The following HS6ST3 variants were observed in gnomAD, a reference collection of about 807,000 sequenced individuals.
HS6ST3 encodes heparan sulfate 6-O-sulfotransferase 3, also known as heparan-sulfate 6-O-sulfotransferase 3.
A neutral mutation model predicts 36.7 loss-of-function variants in HS6ST3; 12 were observed. The ratio of observed to expected loss-of-function variants is 0.33; its 90% confidence interval spans 0.21 to 0.53. HS6ST3 has a LOEUF of 0.53. HS6ST3 is among the 20% of genes least tolerant of loss of function. The probability of loss-of-function intolerance (pLI) is 0.95; values close to 1 mark genes in which losing one functional copy is unlikely to be tolerated. For missense variants in HS6ST3, 584 were observed against 640.9 expected (o/e 0.91, Z 0.96); for synonymous variants, 240 against 257.5 (o/e 0.93, Z 0.65).
At position 96,410,635 on chromosome 13, in the gene HS6ST3, T is replaced by C. The variant is rs556436505; in HGVS notation, c.707+319066T>C. On this transcript the variant is annotated intron_variant, in intron 1 of 1. Transcript: ENST00000376705. ...AATATGGTTTGTTAACCATAATTATTGTTAGCCAAATTATTCCAGTTGCAT... is the reference window on the plus strand; with the variant it reads ...AATATGGTTTGTTAACCATAATTATCGTTAGCCAAATTATTCCAGTTGCAT... Among the ~76,000 whole-genome samples the C allele has an allele frequency of 2.0e-5, 3 of 152,326 alleles. No individual in the cohort carries two copies. The East Asian group carries it at 5.8e-4, about 29-fold the overall frequency.
At position 96,794,084 on chromosome 13, in the gene HS6ST3, A is replaced by G. The variant is rs150988977; in HGVS notation, c.708-38406A>G. ...ATCATGGAGCAAGATTTTGGCATGT[A>G]TATACCTGACTACTTTTGTTTCTAC... is the stretch of plus-strand genomic sequence containing the variant. On this transcript the variant is annotated intron_variant, in intron 1 of 1. Coordinates refer to ENST00000376705, the MANE Select transcript of HS6ST3 (RefSeq NM_153456.4). 6.4e-4 allele frequency among the ~76,000 whole-genome samples: 98 copies of G among 152,198 alleles called. 1 individual carries two copies. The East Asian group carries it at 0.017, about 27-fold the overall frequency.
intron 1 of HS6ST3, among the ~76,000 whole-genome samples, chr13:96,539,606 C>T (rs763187286): frequency 3.9e-5 from 6 of 152,146 alleles, no homozygotes; most frequent in Non-Finnish European, 8.8e-5. Flanking sequence ...CCACCCGCCT[C>T]AGCCTCCCAA....
intron 1 of HS6ST3, among the ~76,000 whole-genome samples, chr13:96,565,667 A>G (rs1044863023): frequency 1.3e-5 from 2 of 152,174 alleles, no homozygotes; most frequent in Non-Finnish European, 2.9e-5. Flanking sequence ...AGGAGCTCAG[A>G]GAAACAAATT....
At chr13:96,522,056 G>T (rs547699581) in intron 1 of HS6ST3, among the ~76,000 whole-genome samples, 1 of 152,138 alleles carries the variant, frequency 6.6e-6, no homozygotes, top group African/African-American at 2.4e-5. Context: ...TTGTGTCTTT[G>T]TTCTCATTGG....
chr13:96,240,251 A>G (rs2054553765), intron 1 of HS6ST3, among the ~76,000 whole-genome samples: 1 of 152,192 alleles, frequency 6.6e-6, no homozygotes. Context: ...ATGAGACATT[A>G]GACAGGTTGC....
intron 1 of HS6ST3, among the ~76,000 whole-genome samples, chr13:96,735,616 C>G (rs1876264011): frequency 6.6e-6 from 1 of 152,080 alleles, no homozygotes. Context: ...AAGAGTTGGC[C>G]CTGTCTACCT....
intron 1 of HS6ST3, among the ~76,000 whole-genome samples, chr13:96,697,233 A>G (rs538248653): frequency 3.9e-5 from 6 of 152,062 alleles, no homozygotes; most frequent in Non-Finnish European, 2.9e-5. Context: ...CATATAAAAT[A>G]TATAAATGTG....
intron 1 of HS6ST3, among the ~76,000 whole-genome samples, chr13:96,732,966 T>C (rs1876198251): frequency 6.6e-6 from 1 of 152,248 alleles, no homozygotes; most frequent in South Asian, 2.1e-4. Flanking sequence ...GAAATACTAT[T>C]AATTTTGTAT....
At chr13:96,729,119 A>G (rs1049133960) in intron 1 of HS6ST3, among the ~76,000 whole-genome samples, 9 of 152,202 alleles carry the variant, frequency 5.9e-5, no homozygotes, top group Non-Finnish European at 1.2e-4. Flanking sequence ...AGAACAAAAA[A>G]AGAATAGGGT....
intron 1 of HS6ST3, among the ~76,000 whole-genome samples, chr13:96,408,982 T>C (rs989622663): frequency 7.9e-5 from 12 of 152,208 alleles, no homozygotes; most frequent in African/African-American, 2.7e-4. Context: ...GCAAATGTTC[T>C]GGGAGACCAG....
chr13:96,242,605 C>T (rs1403546006), intron 1 of HS6ST3, among the ~76,000 whole-genome samples: 1 of 151,342 alleles, frequency 6.6e-6, no homozygotes, highest in Non-Finnish European at 1.5e-5. Flanking sequence ...ATAATATCTT[C>T]CAGGTTGATC....
At chr13:96,167,609 T>G (rs2139332427) in intron 1 of HS6ST3, among the ~76,000 whole-genome samples, 1 of 152,310 alleles carries the variant, frequency 6.6e-6, no homozygotes, top group African/African-American at 2.4e-5. Context: ...CCGTGGTGCT[T>G]TGCAAATATG....
chr13:96,293,743 A>T (rs1168818036), intron 1 of HS6ST3, among the ~76,000 whole-genome samples: 1 of 152,144 alleles, frequency 6.6e-6, no homozygotes, highest in Non-Finnish European at 1.5e-5. Flanking sequence ...CCTCTGGAGC[A>T]TATTGGTAAG....
chr13:96,413,087 C>G (rs1446444824), intron 1 of HS6ST3, among the ~76,000 whole-genome samples: 1 of 152,076 alleles, frequency 6.6e-6, no homozygotes, highest in Non-Finnish European at 1.5e-5. Flanking sequence ...CATCAAGCAC[C>G]ATAGACACCT....
chr13:96,534,513 G>A (rs2056147735), intron 1 of HS6ST3, among the ~76,000 whole-genome samples: 1 of 152,180 alleles, frequency 6.6e-6, no homozygotes, highest in Non-Finnish European at 1.5e-5. Context: ...AATTGGCACA[G>A]GGCCTCCATA....
At chr13:96,172,508 T>C (rs1246503380) in intron 1 of HS6ST3, among the ~76,000 whole-genome samples, 1 of 152,242 alleles carries the variant, frequency 6.6e-6, no homozygotes, top group Admixed American at 6.5e-5. Flanking sequence ...TGAACAGATA[T>C]ACTATCTTGA....
intron 1 of HS6ST3, among the ~76,000 whole-genome samples, chr13:96,672,903 G>T (rs767135296): frequency 3.3e-5 from 5 of 152,076 alleles, no homozygotes; most frequent in African/African-American, 9.7e-5. Flanking sequence ...TATTCATTTC[G>T]TCTGGTTGTT....
At chr13:96,398,442 T>A (rs568355142) in intron 1 of HS6ST3, among the ~76,000 whole-genome samples, 226 of 152,076 alleles carry the variant, frequency 1.5e-3, no homozygotes, top group African/African-American at 5.3e-3. Context: ...GCCACCATGC[T>A]CAGCTAATTT....
intron 1 of HS6ST3, among the ~76,000 whole-genome samples, chr13:96,647,939 G>T (rs1377118876): frequency 6.6e-6 from 1 of 151,866 alleles, no homozygotes; most frequent in East Asian, 1.9e-4. Context: ...CCTACATCTT[G>T]CCTTTGGTTT....
Sources: allele counts gnomAD v4.1 joint callset (sites outside exome capture counted in the v4.1 genomes callset), GRCh38; gene constraint gnomAD v4.1.1; transcripts MANE v1.5; gene names NCBI Gene and HGNC (gene_info 2026-07-23, HGNC 2026-07-21).